RIMS1: variants seen among roughly 807,000 people sequenced by gnomAD.
The protein encoded by RIMS1 is regulating synaptic membrane exocytosis protein 1.
Under a neutral mutation model 214.1 loss-of-function variants are expected in RIMS1, and 83 were observed. That is an observed-to-expected ratio of 0.39 (90% CI 0.32 to 0.47). RIMS1 has a LOEUF of 0.47. Ranked by LOEUF, RIMS1 falls within the 20% of genes least tolerant of loss-of-function variation. The pLI is 0.99. For synonymous variants in RIMS1, 793 were observed against 786.8 expected (o/e 1.01, Z -0.13); for missense variants, 2,050 against 2,161.8 (o/e 0.95, Z 1.03).
chr6:72,221,742 A>G (rs1035444771), intron 6 of RIMS1, among the ~76,000 whole-genome samples: 7 of 151,982 alleles, frequency 4.6e-5, no homozygotes, highest in African/African-American at 1.4e-4. Flanking sequence ...GCCTTGTTTT[A>G]TAAAAGATAA....
chr6:72,376,746 CA>C (rs766207091), intron 29 of RIMS1, among the ~76,000 whole-genome samples: 30,136 of 112,452 alleles, frequency 0.27, 3,038 homozygotes, highest in Middle Eastern at 0.38. Flanking sequence ...GACTCTGTCT[CA>C]AAAAAAAAAA....
At chr6:72,069,314 G>A (rs1174963346) in intron 2 of RIMS1, among the ~76,000 whole-genome samples, 2 of 152,212 alleles carry the variant, frequency 1.3e-5, no homozygotes, top group Non-Finnish European at 2.9e-5. Context: ...GCAGTGCAAA[G>A]GCGAAAGGTA....
chr6:71,952,417 A>G (rs1789923555), intron 1 of RIMS1, among the ~76,000 whole-genome samples: 1 of 152,252 alleles, frequency 6.6e-6, no homozygotes, highest in African/African-American at 2.4e-5. Context: ...TGAATAAAAC[A>G]AAGTCCTGTC....
chr6:72,138,874 C>T (rs1014691157), intron 4 of RIMS1, among the ~76,000 whole-genome samples: 2 of 152,066 alleles, frequency 1.3e-5, no homozygotes, highest in African/African-American at 4.8e-5. Flanking sequence ...GTTACTACTG[C>T]TTGTTGTGAA....
intron 28 of RIMS1, among the ~76,000 whole-genome samples, chr6:72,324,662 T>C (rs911979689): frequency 1.3e-5 from 2 of 151,986 alleles, no homozygotes; most frequent in Non-Finnish European, 2.9e-5. Flanking sequence ...ATATAAATGA[T>C]ATTGTAAACA....
At chr6:71,971,846 C>T (rs951481218) in intron 2 of RIMS1, among the ~76,000 whole-genome samples, 2 of 152,098 alleles carry the variant, frequency 1.3e-5, no homozygotes, top group Non-Finnish European at 2.9e-5. Flanking sequence ...GTCCCTCCGC[C>T]AATACATGGG....
chr6:72,171,222 G>A (rs1335971531), intron 4 of RIMS1, among the ~76,000 whole-genome samples: 2 of 151,726 alleles, frequency 1.3e-5, no homozygotes, highest in Admixed American at 1.3e-4. Context: ...TAGATAGTGT[G>A]TAAACTAAAC....
intron 4 of RIMS1, among the ~76,000 whole-genome samples, chr6:72,178,622 C>T (rs1388523477): frequency 6.6e-6 from 1 of 152,202 alleles, no homozygotes; most frequent in African/African-American, 2.4e-5. Flanking sequence ...ACTGAGGCAG[C>T]GATGTAAAGT....
At chr6:72,326,001 T>G (rs975493922) in intron 28 of RIMS1, among the ~76,000 whole-genome samples, 2 of 151,868 alleles carry the variant, frequency 1.3e-5, no homozygotes, top group African/African-American at 4.8e-5. Context: ...CTGTTTGTGG[T>G]TAGTAACTTG....
chr6:72,238,197 TAGA>T, intron 9 of RIMS1, among the ~76,000 whole-genome samples: 1 of 152,022 alleles, frequency 6.6e-6, no homozygotes, highest in Admixed American at 6.6e-5. Context: ...ATGTAAAATA[TAGA>T]AGAATTACTC....
At chr6:72,398,415 T>G (rs1046814476) in intron 32 of RIMS1, 65 bp downstream of exon 32, 29 of 923,908 alleles carry the variant, frequency 3.1e-5, no homozygotes, top group Non-Finnish European at 4.6e-5. Flanking sequence ...TAAAAACATT[T>G]GCTGCATTTG....
At chr6:72,224,062 G>A (rs2059437128) in intron 6 of RIMS1, among the ~76,000 whole-genome samples, 2 of 151,864 alleles carry the variant, frequency 1.3e-5, no homozygotes, top group Non-Finnish European at 2.9e-5. Flanking sequence ...AGCAGGAGCA[G>A]AAGCAGCATG....
At position 72,196,580 on chromosome 6, in the gene RIMS1, C is replaced by CTTTTTTTTTTTT. The variant is rs61651151; in HGVS notation, c.1678+13443_1678+13454dup. ...AGTACTGTGCTGGCAGCCAGCTGCA[C>CTTTTTTTTTTTT]TTTTTTTTTTTTTTTTTTTTTTTAC... On this transcript the variant is annotated intron_variant, in intron 6 of 33. Coordinates refer to ENST00000521978, the MANE Select transcript of RIMS1 (RefSeq NM_014989.7). Among the ~76,000 whole-genome samples the CTTTTTTTTTTTT allele has an allele frequency of 2.5e-3, 141 of 57,196 alleles. 36 individuals are homozygous for CTTTTTTTTTTTT. The highest frequency in any genetic ancestry group is 8.5e-3 in the African/African-American group (108 of 12,664). The allele number at this position is 57,196 out of a possible 152,430, so 37.5% of individuals were successfully genotyped here.
chr6:71,999,872 A>G (rs1804595158), intron 2 of RIMS1, among the ~76,000 whole-genome samples: 1 of 152,120 alleles, frequency 6.6e-6, no homozygotes, highest in Non-Finnish European at 1.5e-5. Context: ...TGATTTTTTC[A>G]TAATTTCTTC....
intron 1 of RIMS1, among the ~76,000 whole-genome samples, chr6:71,943,613 A>G (rs1484308778): frequency 2.0e-5 from 3 of 152,210 alleles, no homozygotes; most frequent in African/African-American, 7.2e-5. Context: ...ACCGGCTGTT[A>G]GTGTGAATGC....
chr6:71,957,422 G>C (rs1427993507), intron 1 of RIMS1, among the ~76,000 whole-genome samples: 1 of 152,146 alleles, frequency 6.6e-6, no homozygotes, highest in Non-Finnish European at 1.5e-5. Flanking sequence ...TTTAACAATA[G>C]AGTTGCTATC....
At chr6:72,149,399 T>A (rs2043202157) in intron 4 of RIMS1, among the ~76,000 whole-genome samples, 1 of 152,200 alleles carries the variant, frequency 6.6e-6, no homozygotes. Flanking sequence ...TCTAGGGGCC[T>A]TAGGACAACA....
chr6:72,233,710 CT>C (rs763077515), intron 6 of RIMS1, 62 bp from the exon 7 acceptor site: 21 of 1,201,152 alleles, frequency 1.7e-5, no homozygotes, highest in Non-Finnish European at 2.3e-5. Context: ...AGAAGTAAAG[CT>C]TAAAGTGATA....
intron 6 of RIMS1, among the ~76,000 whole-genome samples, chr6:72,211,213 C>T (rs1038284129): frequency 6.6e-6 from 1 of 152,108 alleles, no homozygotes; most frequent in South Asian, 2.1e-4. Flanking sequence ...CAGAGTTTGT[C>T]CTGCTATTGT....
Sources: gnomAD v4.1 joint callset for allele counts (sites outside exome capture counted in the v4.1 genomes callset) on GRCh38, gnomAD v4.1.1 for gene constraint, MANE v1.5 for transcripts, NCBI Gene and HGNC (gene_info 2026-07-23, HGNC 2026-07-21) for gene names.